Variants in ADCY5 observed in about 807,000 individuals in gnomAD.
ADCY5 encodes adenylate cyclase 5.
Under a neutral mutation model 119.7 loss-of-function variants are expected in ADCY5, and 30 were observed. That is an observed-to-expected ratio of 0.25 (90% confidence interval 0.19 to 0.34). The LOEUF (loss-of-function observed/expected upper bound fraction) is 0.34. Ranked by LOEUF, ADCY5 falls within the 10% of genes least tolerant of loss-of-function variation. The pLI is 1.00. For synonymous variants in ADCY5, 753 were observed against 762.2 expected, an observed-to-expected ratio of 0.99 and a Z score of 0.20; for missense variants, 1,324 against 1,775.2, an observed-to-expected ratio of 0.75 and a Z score of 4.57.
chr3:123,335,822 C>A (rs893155761), intron 3 of ADCY5, among the ~76,000 whole-genome samples: 3 of 152,238 alleles, frequency 2.0e-5, no homozygotes, highest in Non-Finnish European at 4.4e-5. Context: ...AGGAGGGCAG[C>A]CCCCAACCAC....
chr3:123,434,050 A>G (rs9289220), intron 1 of ADCY5, among the ~76,000 whole-genome samples: 145,724 of 152,236 alleles, frequency 0.96, 70,057 homozygotes, highest in South Asian at 1. Context: ...ATAAAAAGCC[A>G]TGCATTCCGA....
chr3:123,420,722 C>A (rs1009157892), intron 1 of ADCY5, among the ~76,000 whole-genome samples: 1 of 152,192 alleles, frequency 6.6e-6, no homozygotes, highest in African/African-American at 2.4e-5. Flanking sequence ...CCCTTCAGAT[C>A]CTGCACTAGT....
At chr3:123,446,514 G>A (rs988774921) in intron 1 of ADCY5, among the ~76,000 whole-genome samples, 1 of 152,206 alleles carries the variant, frequency 6.6e-6, no homozygotes, top group Admixed American at 6.5e-5. Context: ...ACTAAAGGGA[G>A]ATATGGTATG....
chr3:123,347,924 T>A, intron 2 of ADCY5, 21 bp from the exon 3 acceptor site: 1 of 1,613,874 alleles, frequency 6.2e-7, no homozygotes, highest in Non-Finnish European at 8.5e-7. Context: ...AAGCACATGC[T>A]TTCATCACCA....
At chr3:123,353,116 C>T (rs1324342491) in intron 1 of ADCY5, among the ~76,000 whole-genome samples, 1 of 152,306 alleles carries the variant, frequency 6.6e-6, no homozygotes, top group East Asian at 1.9e-4. Context: ...GGGTCCATGG[C>T]CACAGTGGGT....
In ADCY5 at chr3:123,314,267, C is replaced by A. The variant is rs1025090816; in HGVS notation, c.2410G>T (p.Val804Leu). The change falls in exon 12 of 21, where the codon GTG (valine) becomes TTG (leucine). Residue 804 changes from valine (V) to leucine (L), a missense_variant. Val to Leu is a conservative substitution (Grantham distance 32, BLOSUM62 1). Transcript: ENST00000462833. ...LTCSLLLTLV[V>L]FVSVIYSCVK... Reference sequence around the variant, plus strand: ...CAGGAGTAGATCACAGACACAAACACCACCAAGGTCAGCAGCAGGGAACAG... The same window carrying A: ...CAGGAGTAGATCACAGACACAAACAACACCAAGGTCAGCAGCAGGGAACAG... The A allele has an allele frequency of 6.2e-7, 1 of 1,613,874 alleles. No individual in the cohort carries two copies. The highest frequency in any genetic ancestry group is 8.5e-7 in the Non-Finnish European group (1 of 1,179,826).
intron 12 of ADCY5, among the ~76,000 whole-genome samples, chr3:123,313,015 C>G (rs867356834): frequency 2.5e-4 from 38 of 152,088 alleles, no homozygotes; most frequent in African/African-American, 8.0e-4. Context: ...AGGCAGGGAA[C>G]CAGCTAACGT....
chr3:123,356,123 C>A (rs758142736), intron 1 of ADCY5, among the ~76,000 whole-genome samples: 3 of 152,118 alleles, frequency 2.0e-5, no homozygotes, highest in Admixed American at 6.5e-5. Flanking sequence ...GGACTCCTTA[C>A]CTCATACTAT....
chr3:123,310,129 C>CACAT (rs1464589368), intron 12 of ADCY5, among the ~76,000 whole-genome samples: 1 of 150,986 alleles, frequency 6.6e-6, no homozygotes, highest in Non-Finnish European at 1.5e-5. Context: ...CACACACACA[C>CACAT]ACACACACAC....
rs999910470 is a variant in ADCY5, at chr3:123,419,341, G to A, written c.1134+28071C>T. 3.3e-5 allele frequency: 10 copies of A among 307,454 alleles called. No homozygotes were observed. In the South Asian group the frequency reaches 8.8e-4, roughly 27 times the overall value. The allele number at this position is 307,454 out of a possible 1,614,324, so 19.0% of individuals were successfully genotyped here. ...TCCATCACTCTGGCTCATCTTCCAC[G>A]CCTCCTCTTCCTCGCTTGCCAAATC... On this transcript the variant is annotated intron_variant, in intron 1 of 20. Coordinates refer to ENST00000462833, the MANE Select transcript of ADCY5 (RefSeq NM_183357.3).
intron 8 of ADCY5, among the ~76,000 whole-genome samples, chr3:123,322,096 TG>T (rs899747757): frequency 2.0e-5 from 3 of 152,188 alleles, no homozygotes; most frequent in Non-Finnish European, 4.4e-5. Context: ...GCTCTCCCTC[TG>T]GGGGGCAGGC....
chr3:123,332,817 T>C (rs1257093356), intron 3 of ADCY5, 142 bp from the exon 4 acceptor site: 1 of 589,824 alleles, frequency 1.7e-6, no homozygotes, highest in Admixed American at 2.6e-5. Context: ...TGCAGTGGTG[T>C]GATCAAGGCT....
At chr3:123,439,357 C>T (rs1319164296) in intron 1 of ADCY5, among the ~76,000 whole-genome samples, 1 of 151,668 alleles carries the variant, frequency 6.6e-6, no homozygotes, top group Non-Finnish European at 1.5e-5. Flanking sequence ...CCACCGCACC[C>T]AGCCCTAAAG....
At chr3:123,420,671 C>T (rs774074011) in intron 1 of ADCY5, among the ~76,000 whole-genome samples, 6 of 152,204 alleles carry the variant, frequency 3.9e-5, no homozygotes, top group Non-Finnish European at 8.8e-5. Context: ...GGGTAACAAG[C>T]AGCTCAGGGC....
intron 4 of ADCY5, 60 bp from the exon 5 acceptor site, chr3:123,331,076 G>A (rs1219422091): frequency 6.4e-7 from 1 of 1,552,440 alleles, no homozygotes; most frequent in Non-Finnish European, 8.8e-7. Context: ...GGGAGGGAAA[G>A]AAACGAGAAG....
chr3:123,362,040 C>A (rs954303045), intron 1 of ADCY5, among the ~76,000 whole-genome samples: 9 of 152,210 alleles, frequency 5.9e-5, no homozygotes, highest in African/African-American at 2.2e-4. Context: ...CAGCACAGAT[C>A]TACCATATAT....
chr3:123,372,403 C>T lies in ADCY5; in HGVS notation c.1135-19822G>A, dbSNP rs114293143. ...CCCAACTGGGCAGGCTATCAGCCCA[C>T]GCATGGCACCCACATCCTGAGGGCA... On this transcript the variant is annotated intron_variant, in intron 1 of 20. Coordinates refer to ENST00000462833, the MANE Select transcript of ADCY5 (RefSeq NM_183357.3). Among the ~76,000 whole-genome samples the T allele has an allele frequency of 2.8e-4, 42 of 152,268 alleles. No homozygotes were observed. The East Asian group carries it at 4.2e-3, about 15-fold the overall frequency.
intron 1 of ADCY5, among the ~76,000 whole-genome samples, chr3:123,360,483 T>C (rs1311056490): frequency 6.6e-6 from 1 of 152,124 alleles, no homozygotes; most frequent in Admixed American, 6.5e-5. Flanking sequence ...CTTAACATCA[T>C]GACATCTTCC....
chr3:123,424,897 C>T (rs34995665), intron 1 of ADCY5, among the ~76,000 whole-genome samples: 229 of 152,372 alleles, frequency 1.5e-3, no homozygotes, highest in Middle Eastern at 0.014. Flanking sequence ...GCCAGAGAGG[C>T]CGGGCGTGGG....
Sources: allele counts gnomAD v4.1 joint callset (sites outside exome capture counted in the v4.1 genomes callset), GRCh38; gene constraint gnomAD v4.1.1; transcripts MANE v1.5; gene names NCBI Gene and HGNC (gene_info 2026-07-23, HGNC 2026-07-21).